The following DCLK1 variants were observed in gnomAD, a reference collection of about 807,000 sequenced individuals.
DCLK1 encodes the protein doublecortin like kinase 1.
Under a neutral mutation model 86.2 loss-of-function variants are expected in DCLK1, and 16 were observed. The ratio of observed to expected loss-of-function variants is 0.19; its 90% confidence interval spans 0.13 to 0.28. The LOEUF is 0.28. Ranked by LOEUF, DCLK1 falls within the 10% of genes least tolerant of loss-of-function variation. The pLI, the probability that DCLK1 is intolerant of heterozygous loss-of-function variation, is 1.00. For missense variants in DCLK1, 590 were observed against 940.2 expected, an observed-to-expected ratio of 0.63 and a Z score of 4.87; for synonymous variants, 369 against 370.5, an observed-to-expected ratio of 1.00 and a Z score of 0.05.
At chr13:35,872,530 C>T (rs1454938226) in intron 4 of DCLK1, among the ~76,000 whole-genome samples, 1 of 152,160 alleles carries the variant, frequency 6.6e-6, no homozygotes, top group Non-Finnish European at 1.5e-5. Flanking sequence ...CTCAATGACA[C>T]CTTTGTAAAT....
intron 12 of DCLK1, among the ~76,000 whole-genome samples, chr13:35,810,113 C>T (rs911676157): frequency 2.0e-5 from 3 of 152,148 alleles, no homozygotes; most frequent in Non-Finnish European, 4.4e-5. Flanking sequence ...GTCTTTGACT[C>T]AGGCTGACCT....
chr13:35,928,340 G>A lies in DCLK1; in HGVS notation c.823+19018C>T, dbSNP rs545910754. 2.0e-4 allele frequency among the ~76,000 whole-genome samples: 31 copies of A among 152,224 alleles called. No homozygotes were observed. The South Asian group carries it at 6.2e-3, about 31-fold the overall frequency. ...ACTACTGAGCTGTGCATGAGGACAGGTCAGGCACCCTCTCACCTCAGGCCC... is the reference window on the plus strand; with the variant it reads ...ACTACTGAGCTGTGCATGAGGACAGATCAGGCACCCTCTCACCTCAGGCCC... On this transcript the variant is annotated intron_variant, in intron 4 of 16. Transcript: ENST00000360631.
At position 35,984,618 on chromosome 13, in the gene DCLK1, G is replaced by A. The variant is rs1397433822; in HGVS notation, c.724-37161C>T. 5.9e-5 allele frequency among the ~76,000 whole-genome samples: 9 copies of A among 152,222 alleles called. 1 individual carries two copies. Among genetic ancestry groups the A allele is most frequent in the Non-Finnish European group, 1.3e-4 (9 of 68,036 alleles). ...TTCTCTACTTGGCAAATTTATGTGAGATAATTCTGCCACAATAAACCTTTC... is the reference window on the plus strand; with the variant it reads ...TTCTCTACTTGGCAAATTTATGTGAAATAATTCTGCCACAATAAACCTTTC... On this transcript the variant is annotated intron_variant, in intron 3 of 16. Coordinates refer to ENST00000360631, the MANE Select transcript of DCLK1 (RefSeq NM_001330071.2).
At chr13:35,923,106 G>A (rs1354884050) in intron 4 of DCLK1, among the ~76,000 whole-genome samples, 2 of 152,128 alleles carry the variant, frequency 1.3e-5, no homozygotes, top group East Asian at 1.9e-4. Flanking sequence ...AAGTGAACAG[G>A]TCGACCAGCC....
Position 35,770,035 on chromosome 13 carries a change from C to G in DCLK1, c.*4500G>C, listed in dbSNP as rs1014879751. 6.6e-6 allele frequency: 1 copy of G among 152,206 alleles called. No homozygotes were observed. Among genetic ancestry groups the G allele is most frequent in the Non-Finnish European group, 1.5e-5 (1 of 68,038 alleles). 9.4% of individuals were successfully genotyped at this position (152,206 alleles called of 1,614,324 possible). On this transcript the variant is annotated 3_prime_UTR_variant, in exon 17 of 17. Transcript: ENST00000360631. ...TCTAACCAGAGGCATTTAAGCCTCT[C>G]CACTGAAGTTCCTGTTTCCCACCAG...
chr13:36,032,109 CTTTTTCT>C (rs760304670), intron 3 of DCLK1, among the ~76,000 whole-genome samples: 19 of 151,906 alleles, frequency 1.3e-4, no homozygotes, highest in Non-Finnish European at 2.6e-4. Context: ...ATCAGTTTTT[CTTTTTCT>C]TTTTTCTTTT....
chr13:36,050,965 G>A (rs894734459), intron 3 of DCLK1, among the ~76,000 whole-genome samples: 1 of 152,110 alleles, frequency 6.6e-6, no homozygotes, highest in Non-Finnish European at 1.5e-5. Flanking sequence ...TAAGCCCAGT[G>A]ACATGTCAAC....
At chr13:35,895,510 A>G (rs1053773232) in intron 4 of DCLK1, among the ~76,000 whole-genome samples, 2 of 152,168 alleles carry the variant, frequency 1.3e-5, no homozygotes, top group Non-Finnish European at 2.9e-5. Context: ...GTGCAATATG[A>G]CATGATGCAC....
At chr13:35,978,421 G>T (rs1307332899) in intron 3 of DCLK1, among the ~76,000 whole-genome samples, 3 of 151,892 alleles carry the variant, frequency 2.0e-5, no homozygotes, top group Non-Finnish European at 4.4e-5. Context: ...GCCCAGGCTG[G>T]TCTCAAATTC....
chr13:35,955,267 T>C lies in DCLK1; in HGVS notation c.724-7810A>G, dbSNP rs148444832. Reference sequence around the variant, plus strand: ...GTCTCTTAGTCCATTCAGGCTGCTATAACAAAAATATCCTAGACTGGGTGG... The same window carrying C: ...GTCTCTTAGTCCATTCAGGCTGCTACAACAAAAATATCCTAGACTGGGTGG... On this transcript the variant is annotated intron_variant, in intron 3 of 16. Coordinates refer to ENST00000360631, the MANE Select transcript of DCLK1 (RefSeq NM_001330071.2). Among the ~76,000 whole-genome samples the C allele has an allele frequency of 9.8e-4, 149 of 152,240 alleles. 1 individual carries two copies. Among genetic ancestry groups the C allele is most frequent in the African/African-American group, 3.3e-3 (135 of 41,536 alleles).
At chr13:35,788,627 T>C (rs2086660330) in intron 16 of DCLK1, among the ~76,000 whole-genome samples, 1 of 152,324 alleles carries the variant, frequency 6.6e-6, no homozygotes, top group African/African-American at 2.4e-5. Flanking sequence ...AGTACTGAAA[T>C]GAGCATTAGC....
At chr13:36,104,488 G>A (rs2138171601) in intron 3 of DCLK1, among the ~76,000 whole-genome samples, 1 of 152,264 alleles carries the variant, frequency 6.6e-6, no homozygotes, top group African/African-American at 2.4e-5. Context: ...TTTTATATGG[G>A]GAAGATAGGA....
At chr13:36,074,954 C>G (rs1437356978) in intron 3 of DCLK1, among the ~76,000 whole-genome samples, 1 of 152,224 alleles carries the variant, frequency 6.6e-6, no homozygotes, top group Non-Finnish European at 1.5e-5. Context: ...ACACTAGACA[C>G]AGAAGGTAAC....
chr13:36,030,994 A>G (rs1403887473), intron 3 of DCLK1, among the ~76,000 whole-genome samples: 1 of 152,152 alleles, frequency 6.6e-6, no homozygotes, highest in African/African-American at 2.4e-5. Context: ...TGCAGGTATA[A>G]CTGATAAGCC....
intron 3 of DCLK1, among the ~76,000 whole-genome samples, chr13:36,073,990 T>G (rs758691706): frequency 6.6e-6 from 1 of 152,140 alleles, no homozygotes; most frequent in Non-Finnish European, 1.5e-5. Flanking sequence ...TGGGTTACAG[T>G]TCTTTGTTTT....
intron 3 of DCLK1, among the ~76,000 whole-genome samples, chr13:36,042,297 T>C (rs74044332): frequency 0.013 from 2,011 of 152,334 alleles, 63 homozygotes; most frequent in African/African-American, 0.046. Flanking sequence ...ATATACAGTA[T>C]GGATAAAACT....
At chr13:36,100,460 C>T (rs890587134) in intron 3 of DCLK1, among the ~76,000 whole-genome samples, 5 of 152,256 alleles carry the variant, frequency 3.3e-5, no homozygotes, top group East Asian at 3.9e-4. Context: ...GAGACCAATT[C>T]CAGAAATGGC....
At chr13:36,115,880 T>G (rs1593904728) in intron 2 of DCLK1, among the ~76,000 whole-genome samples, 1 of 149,668 alleles carries the variant, frequency 6.7e-6, no homozygotes, top group African/African-American at 2.5e-5. Context: ...TAAGTAAGCA[T>G]ACTAGATTAT....
In DCLK1 at chr13:35,793,199, C is replaced by T. The variant is rs191002717; in HGVS notation, c.2058+167G>A. On this transcript the variant is annotated intron_variant, in intron 16 of 16. Transcript: ENST00000360631. ...TGCCCAGGGAAATGATCTGCAGAAA[C>T]ACATAATATATATAAGTCCCATACC... Among the ~76,000 whole-genome samples, 232 of 152,218 alleles carry T rather than the reference C, an allele frequency of 1.5e-3. 1 individual carries two copies. Among genetic ancestry groups the T allele is most frequent in the African/African-American group, 5.2e-3 (217 of 41,532 alleles).
Sources: allele counts gnomAD v4.1 joint callset (sites outside exome capture counted in the v4.1 genomes callset), GRCh38; gene constraint gnomAD v4.1.1; transcripts MANE v1.5; gene names NCBI Gene and HGNC (gene_info 2026-07-23, HGNC 2026-07-21).